Variants in CPQ observed in about 807,000 individuals in gnomAD.
The protein encoded by CPQ is carboxypeptidase Q, also known as Ser-Met dipeptidase.
In CPQ, 37 loss-of-function variants were observed where a neutral mutation model predicts 45.7. The observed-to-expected ratio is 0.81, with a 90% confidence interval of 0.62 to 1.07. The LOEUF (loss-of-function observed/expected upper bound fraction) is 1.07, where lower values mean the gene tolerates loss of function less well. Ranked by LOEUF, CPQ falls within the 50% of genes least tolerant of loss-of-function variation. The probability of loss-of-function intolerance (pLI) is 0.00; values close to 1 mark genes in which losing one functional copy is unlikely to be tolerated. For missense variants in CPQ, 537 were observed against 572.9 expected (o/e 0.94, Z 0.64); for synonymous variants, 186 against 205.8 (o/e 0.90, Z 0.82).
In CPQ at chr8:97,051,644, T is replaced by C. The variant is rs550070373; in HGVS notation, c.1054-14365T>C. ...CAAGTTCACAGAGCTCATCCAAGTGTATCAACCCCCAAGGGACCCCGATTA... is the reference window on the plus strand; with the variant it reads ...CAAGTTCACAGAGCTCATCCAAGTGCATCAACCCCCAAGGGACCCCGATTA... On this transcript the variant is annotated intron_variant, in intron 6 of 7. Transcript: ENST00000220763. Among the ~76,000 whole-genome samples the C allele has an allele frequency of 2.6e-5, 4 of 152,330 alleles. No individual in the cohort carries two copies. The South Asian group carries it at 8.3e-4, about 32-fold the overall frequency.
chr8:96,842,520 G>GA (rs1811626298), intron 3 of CPQ, among the ~76,000 whole-genome samples: 1 of 141,004 alleles, frequency 7.1e-6, no homozygotes, highest in African/African-American at 2.7e-5. Context: ...ATGCAGGTGG[G>GA]GCCACTGTGC....
intron 1 of CPQ, among the ~76,000 whole-genome samples, chr8:96,652,733 C>G (rs1214849068): frequency 6.6e-6 from 1 of 152,040 alleles, no homozygotes; most frequent in Non-Finnish European, 1.5e-5. Flanking sequence ...CCCGGGTTCA[C>G]GCCATTCTCC....
chr8:97,124,334 T>C (rs572246351), intron 7 of CPQ, among the ~76,000 whole-genome samples: 1 of 152,056 alleles, frequency 6.6e-6, no homozygotes, highest in South Asian at 2.1e-4. Context: ...TCTATAGTTG[T>C]GGCTGGAAAT....
At chr8:96,824,989 G>A (rs1035101378) in intron 2 of CPQ, among the ~76,000 whole-genome samples, 2 of 151,990 alleles carry the variant, frequency 1.3e-5, no homozygotes, top group African/African-American at 4.8e-5. Flanking sequence ...CCCTGTGGTG[G>A]CCTTCTGTTA....
At chr8:96,799,439 G>A (rs189414470) in intron 2 of CPQ, among the ~76,000 whole-genome samples, 24 of 152,204 alleles carry the variant, frequency 1.6e-4, no homozygotes, top group African/African-American at 5.5e-4. Flanking sequence ...ATCTCATCAA[G>A]GAAACAGCAT....
chr8:96,723,342 A>G (rs1479895803), intron 1 of CPQ, among the ~76,000 whole-genome samples: 4 of 152,176 alleles, frequency 2.6e-5, no homozygotes. Context: ...TCTCCCTGAC[A>G]CAAGGGGATC....
chr8:96,682,935 A>T (rs1358571178), intron 1 of CPQ, among the ~76,000 whole-genome samples: 1 of 152,178 alleles, frequency 6.6e-6, no homozygotes, highest in Non-Finnish European at 1.5e-5. Flanking sequence ...TAATCTGTTT[A>T]CATTCAAGGT....
At chr8:97,079,768 T>C (rs1460100937) in intron 7 of CPQ, among the ~76,000 whole-genome samples, 3 of 152,162 alleles carry the variant, frequency 2.0e-5, no homozygotes, top group East Asian at 1.9e-4. Flanking sequence ...GTGCTGGATG[T>C]AGAGGGAATG....
chr8:97,007,650 A>G (rs1299099423), intron 5 of CPQ, among the ~76,000 whole-genome samples: 4 of 152,228 alleles, frequency 2.6e-5, no homozygotes, highest in Non-Finnish European at 5.9e-5. Context: ...GATTTCACCC[A>G]GGAAAACACA....
chr8:97,124,627 C>T (rs1811814783), intron 7 of CPQ, among the ~76,000 whole-genome samples: 1 of 152,098 alleles, frequency 6.6e-6, no homozygotes, highest in African/African-American at 2.4e-5. Context: ...ATTAAGATAT[C>T]AAGAAAATTC....
intron 1 of CPQ, among the ~76,000 whole-genome samples, chr8:96,756,559 AC>A (rs1810328963): frequency 6.6e-6 from 1 of 152,134 alleles, no homozygotes; most frequent in African/African-American, 2.4e-5. Context: ...CTCAACACCT[AC>A]GCCCCTTTAA....
At chr8:97,043,586 G>C (rs1021003488) in intron 6 of CPQ, among the ~76,000 whole-genome samples, 2 of 152,068 alleles carry the variant, frequency 1.3e-5, no homozygotes. Context: ...TAGCCTCGAT[G>C]GTCTTTACAA....
chr8:96,723,879 A>G (rs1222056331), intron 1 of CPQ, among the ~76,000 whole-genome samples: 1 of 152,112 alleles, frequency 6.6e-6, no homozygotes, highest in Non-Finnish European at 1.5e-5. Flanking sequence ...GGGGAAGACT[A>G]CCAATTTACA....
chr8:96,994,330 A>C (rs557561328), intron 5 of CPQ, among the ~76,000 whole-genome samples: 10 of 152,236 alleles, frequency 6.6e-5, no homozygotes, highest in African/African-American at 2.4e-4. Flanking sequence ...GAAAATCATA[A>C]AGCATAGGAA....
At chr8:97,033,983 G>A (rs1206211170) in intron 6 of CPQ, among the ~76,000 whole-genome samples, 2 of 151,842 alleles carry the variant, frequency 1.3e-5, no homozygotes, top group African/African-American at 4.8e-5. Context: ...AATTGTAGTT[G>A]GATTAAAAGC....
chr8:96,808,711 G>A (rs1263608877), intron 2 of CPQ, among the ~76,000 whole-genome samples: 1 of 152,140 alleles, frequency 6.6e-6, no homozygotes, highest in African/African-American at 2.4e-5. Flanking sequence ...GAAGTTCTAG[G>A]TAGGAGTCCT....
intron 3 of CPQ, among the ~76,000 whole-genome samples, chr8:96,841,872 A>G (rs1464054719): frequency 6.6e-6 from 1 of 152,214 alleles, no homozygotes; most frequent in Non-Finnish European, 1.5e-5. Flanking sequence ...AGAGACATGA[A>G]AAAGTACATA....
In CPQ at chr8:96,713,861, G is replaced by C. The variant is rs552608029; in HGVS notation, c.-35+68459G>C. On this transcript the variant is annotated intron_variant, in intron 1 of 7. Coordinates refer to ENST00000220763, the MANE Select transcript of CPQ (RefSeq NM_016134.4). ...GTAGTGACAAACTCCTTCAGAATTT[G>C]GTTGTTTGAAAAAGACTATTTCTCC... Among the ~76,000 whole-genome samples, 15 of 152,222 alleles carry C rather than the reference G, an allele frequency of 9.9e-5. No individual in the cohort carries two copies. In the South Asian group the frequency reaches 3.1e-3, roughly 32 times the overall value.
At chr8:96,692,147 G>T (rs957509421) in intron 1 of CPQ, among the ~76,000 whole-genome samples, 8 of 152,148 alleles carry the variant, frequency 5.3e-5, no homozygotes, top group Non-Finnish European at 8.8e-5. Context: ...CTAGAAAGGA[G>T]AATGATATTG....
Sources: allele counts gnomAD v4.1 joint callset (sites outside exome capture counted in the v4.1 genomes callset), GRCh38; gene constraint gnomAD v4.1.1; transcripts MANE v1.5; gene names NCBI Gene and HGNC (gene_info 2026-07-23, HGNC 2026-07-21).